Variants in SBF2 observed in about 807,000 individuals in gnomAD.
The protein encoded by SBF2 is SET binding factor 2.
In SBF2, 112 loss-of-function variants were observed where a neutral mutation model predicts 225.2. That is an observed-to-expected ratio of 0.50 (90% CI 0.43 to 0.58). The LOEUF is 0.58. SBF2 is among the 20% of genes least tolerant of loss of function. The pLI is 0.00. For synonymous variants in SBF2, 763 were observed against 773.3 expected, an observed-to-expected ratio of 0.99 and a Z score of 0.22; for missense variants, 1,996 against 2,206.2, an observed-to-expected ratio of 0.90 and a Z score of 1.91.
intron 1 of SBF2, among the ~76,000 whole-genome samples, chr11:10,248,001 G>A (rs1959976418): frequency 6.6e-6 from 1 of 152,114 alleles, no homozygotes; most frequent in Non-Finnish European, 1.5e-5. Flanking sequence ...TAAACATTTG[G>A]TCTAAATTAT....
Position 10,002,692 on chromosome 11 carries a change from G to A in SBF2, c.620-3C>T. On this transcript the variant is annotated splice_region_variant and splice_polypyrimidine_tract_variant and intron_variant, in intron 6 of 39. Coordinates refer to ENST00000256190, the MANE Select transcript of SBF2 (RefSeq NM_030962.4). ...GAGGCTGAGGACATTTTGAATTCCTGAAAACATAAGAGCAAGGACTTACAA... is the reference window on the plus strand; with the variant it reads ...GAGGCTGAGGACATTTTGAATTCCTAAAAACATAAGAGCAAGGACTTACAA... The A allele has an allele frequency of 6.2e-7, 1 of 1,612,582 alleles. No individual in the cohort carries two copies. Among genetic ancestry groups the A allele is most frequent in the East Asian group, 2.2e-5 (1 of 44,780 alleles).
intron 16 of SBF2, among the ~76,000 whole-genome samples, chr11:9,898,445 T>TGGATCA (rs940969162): frequency 3.3e-5 from 5 of 151,778 alleles, no homozygotes; most frequent in Admixed American, 3.3e-4. Context: ...CAGAGGCGGG[T>TGGATCA]GGATCACCTG....
chr11:9,942,919 GAAA>G (rs1865356296), intron 16 of SBF2, among the ~76,000 whole-genome samples: 1 of 112,166 alleles, frequency 8.9e-6, no homozygotes, highest in Non-Finnish European at 1.9e-5. Context: ...AAGAAAGAAA[GAAA>G]GAAAGAAAGA....
chr11:9,880,084 TAAAAAAA>T (rs58140393), intron 17 of SBF2, among the ~76,000 whole-genome samples: 2 of 52,006 alleles, frequency 3.8e-5, no homozygotes, highest in African/African-American at 7.6e-5. Context: ...CTCTGTCTCA[TAAAAAAA>T]AAAAAAAAAA....
chr11:9,882,574 C>T lies in SBF2; in HGVS notation c.1929+13369G>A, dbSNP rs536352751. Reference sequence around the variant, plus strand: ...CTGTAATCCCAGCACTTTGGGAGGCCAAGGCGGGCGGATCACAAAGTCAGG... The same window carrying T: ...CTGTAATCCCAGCACTTTGGGAGGCTAAGGCGGGCGGATCACAAAGTCAGG... On this transcript the variant is annotated intron_variant, in intron 17 of 39. Coordinates refer to ENST00000256190, the MANE Select transcript of SBF2 (RefSeq NM_030962.4). 1.8e-4 allele frequency among the ~76,000 whole-genome samples: 28 copies of T among 152,036 alleles called. No individual in the cohort carries two copies. In the East Asian group the frequency reaches 2.9e-3, roughly 16 times the overall value.
At position 9,828,725 on chromosome 11, in the gene SBF2, T is replaced by G. The variant is rs182321172; in HGVS notation, c.3793+631A>C. Reference sequence around the variant, plus strand: ...AAATCATAATAGGCTGCAGATATTTTGGGAATTTCAAACTTATAAATGATG... The same window carrying G: ...AAATCATAATAGGCTGCAGATATTTGGGGAATTTCAAACTTATAAATGATG... On this transcript the variant is annotated intron_variant, in intron 28 of 39. Coordinates refer to ENST00000256190, the MANE Select transcript of SBF2 (RefSeq NM_030962.4). The G allele has an allele frequency of 5.0e-4, 386 of 768,216 alleles. 1 individual carries two copies. The African/African-American group carries it at 6.8e-3, about 14-fold the overall frequency. 47.6% of individuals were successfully genotyped at this position (768,216 alleles called of 1,614,324 possible). A position where few individuals can be genotyped will look rare whatever the true frequency, so the allele number is the denominator to read the frequency against.
chr11:9,963,720 A>C (rs1399154566), intron 15 of SBF2, 53 bp downstream of exon 15: 5 of 884,916 alleles, frequency 5.7e-6, no homozygotes, highest in Non-Finnish European at 9.3e-6. Context: ...TCAGCACGTA[A>C]ATCTGAAAGG....
intron 6 of SBF2, among the ~76,000 whole-genome samples, chr11:10,022,840 A>C (rs1948912614): frequency 2.0e-5 from 3 of 152,188 alleles, no homozygotes; most frequent in African/African-American, 7.2e-5. Context: ...GAGAGTTTCC[A>C]ACAGCCTGCA....
At chr11:9,999,919 CAGA>C (rs1430402073) in intron 8 of SBF2, among the ~76,000 whole-genome samples, 14 of 152,154 alleles carry the variant, frequency 9.2e-5, no homozygotes, top group Admixed American at 7.2e-4. Context: ...AAAACTAAAA[CAGA>C]AGAAGAATTA....
intron 1 of SBF2, among the ~76,000 whole-genome samples, chr11:10,196,365 G>A (rs946057521): frequency 2.0e-5 from 3 of 151,846 alleles, no homozygotes; most frequent in Admixed American, 6.6e-5. Flanking sequence ...TGTATTTTAC[G>A]TTCAAGAAAT....
chr11:10,027,077 C>T (rs562579470), intron 6 of SBF2, among the ~76,000 whole-genome samples: 5 of 151,230 alleles, frequency 3.3e-5, no homozygotes, highest in African/African-American at 1.2e-4. Context: ...ACTTCACATA[C>T]TTTTTTTTTG....
At chr11:10,248,978 C>A (rs983831600) in intron 1 of SBF2, among the ~76,000 whole-genome samples, 1 of 152,040 alleles carries the variant, frequency 6.6e-6, no homozygotes, top group Non-Finnish European at 1.5e-5. Flanking sequence ...AGCCTGTAGT[C>A]CCAGCTACTC....
At chr11:10,259,437 TTC>T (rs1346697103) in intron 1 of SBF2, among the ~76,000 whole-genome samples, 1 of 152,320 alleles carries the variant, frequency 6.6e-6, no homozygotes, top group East Asian at 1.9e-4. Context: ...TGCATTTCTT[TTC>T]TCTCACTCAA....
chr11:10,274,851 G>A (rs1237618269), intron 1 of SBF2, among the ~76,000 whole-genome samples: 1 of 151,862 alleles, frequency 6.6e-6, no homozygotes, highest in East Asian at 1.9e-4. Flanking sequence ...CTACATTCAA[G>A]AGTCTGCAAG....
intron 6 of SBF2, 24 bp from the exon 7 acceptor site, chr11:10,002,713 T>G (rs377648813): frequency 4.4e-6 from 7 of 1,607,826 alleles, no homozygotes; most frequent in Non-Finnish European, 6.0e-6. Context: ...AGCAAGGACT[T>G]ACAAATGCAT....
chr11:9,900,568 G>T (rs1176978077), intron 16 of SBF2, among the ~76,000 whole-genome samples: 1 of 152,154 alleles, frequency 6.6e-6, no homozygotes, highest in East Asian at 1.9e-4. Flanking sequence ...TCAGGGATAA[G>T]AACCCCTTCC....
chr11:10,195,992 A>G (rs946392437), intron 1 of SBF2, among the ~76,000 whole-genome samples: 2 of 152,238 alleles, frequency 1.3e-5, no homozygotes, highest in Non-Finnish European at 2.9e-5. Context: ...AATGAAAAAG[A>G]CATAGTCCCT....
At chr11:10,111,749 C>T (rs990478706) in intron 2 of SBF2, among the ~76,000 whole-genome samples, 13 of 152,172 alleles carry the variant, frequency 8.5e-5, no homozygotes, top group African/African-American at 1.9e-4. Flanking sequence ...CGGTGGCGCA[C>T]GCCTGTAATC....
intron 17 of SBF2, among the ~76,000 whole-genome samples, chr11:9,867,879 G>T (rs1046123608): frequency 6.6e-6 from 1 of 152,120 alleles, no homozygotes. Flanking sequence ...TGGGAAGGGG[G>T]AATAAACAGA....
Sources: allele counts gnomAD v4.1 joint callset (sites outside exome capture counted in the v4.1 genomes callset), GRCh38; gene constraint gnomAD v4.1.1; transcripts MANE v1.5; gene names NCBI Gene and HGNC (gene_info 2026-07-23, HGNC 2026-07-21).